HCFC1: variants seen among roughly 807,000 people sequenced by gnomAD.
HCFC1 encodes host cell factor C1.
A neutral mutation model predicts 105.5 loss-of-function variants in HCFC1; 7 were observed. That is an observed-to-expected ratio of 0.07 (90% CI 0.04 to 0.12). The LOEUF (loss-of-function observed/expected upper bound fraction) is 0.12, where lower values mean the gene tolerates loss of function less well. Among genes scored for constraint, HCFC1 ranks in the 10% least tolerant of loss-of-function variants. The pLI is 1.00. For missense variants in HCFC1, 1,065 were observed against 1,823.6 expected (o/e 0.58, Z 7.58); for synonymous variants, 918 against 828.1 (o/e 1.11, Z -1.86).
rs782287606 is a variant in HCFC1, at chrX:153,953,807, G to GC, written c.4334-38dup. The GC allele has an allele frequency of 7.8e-4, 903 of 1,153,904 alleles. 1 individual carries two copies. The highest frequency in any genetic ancestry group is 9.6e-4 in the Non-Finnish European group (834 of 864,556). On this transcript the variant is annotated intron_variant, in intron 17 of 25. Coordinates refer to ENST00000310441, the MANE Select transcript of HCFC1 (RefSeq NM_005334.3). The stretch of plus-strand genomic sequence containing the variant: ...ACAGGCAGGCGGCTGCTCAGCAGGA[G>GC]CCCCCCCGGCCTGTACTTGGCTTGA...
At chrX:153,951,766 C>T (rs919144658) in intron 20 of HCFC1, 59 bp from the exon 21 acceptor site, 7 of 1,172,848 alleles carry the variant, frequency 6.0e-6, no homozygotes, top group Non-Finnish European at 6.9e-6. Flanking sequence ...CCAAGTGAGA[C>T]CGAGCCTCCC....
chrX:153,951,790 C>T, intron 20 of HCFC1, 51 bp downstream of exon 20: 1 of 1,170,833 alleles, frequency 8.5e-7, no homozygotes, highest in Non-Finnish European at 1.1e-6. Flanking sequence ...CTGCCCTCAC[C>T]TCCCTGGGTG....
At chrX:153,961,479 G>A (rs2065429154) in intron 6 of HCFC1, 63 bp downstream of exon 6, 1 of 802,449 alleles carries the variant, frequency 1.2e-6, no homozygotes, top group South Asian at 2.2e-5. Context: ...ACAGCTCTTA[G>A]GCTGAGAAGG....
Position 153,952,150 on chromosome X carries a change from C to A in HCFC1, c.4951G>T (p.Glu1651Ter). 1 of 1,113,139 alleles carries A rather than the reference C, an allele frequency of 9.0e-7. No individual in the cohort carries two copies. The allele number at this position is 1,113,139 out of a possible 1,213,427, so 91.7% of individuals were successfully genotyped here. The change falls in exon 20 of 26, where the codon GAG becomes TAG. Residue 1651 changes from glutamate (E) to a stop codon, truncating the protein, a stop_gained. Transcript: ENST00000310441. LOFTEE classifies it high-confidence loss of function. ...GCTGCCTCGGAGGTGTCCATGGGCT[C>A]GCCGGTGCCTGCTCCAGGGTCGAGA... is the stretch of plus-strand genomic sequence containing the variant. ...AAQQAVMGTG[E>*]PMDTSEAAAT...
chrX:153,963,615 A>G (rs925013110), intron 3 of HCFC1, among the ~76,000 whole-genome samples, 182 bp from the exon 4 acceptor site: 7 of 112,114 alleles, frequency 6.2e-5, no homozygotes, highest in East Asian at 2.8e-4. Flanking sequence ...GATGAGTCCA[A>G]CTGGAACAGG....
In HCFC1 at chrX:153,954,660, C is replaced by T. The variant is rs1461681500; in HGVS notation, c.3739G>A (p.Val1247Met). Reference protein sequence around the residue: ...VSTAAMTRSSVGAGEPRMAPV... With the variant: ...VSTAAMTRSSMGAGEPRMAPV... ...GCCATGCGGGGCTCCCCAGCACCCA[C>T]GCTGGAACGGGTCATGGCAGCGGTG... Residue 1247 changes from valine to methionine, a missense_variant, in exon 17 of 26, where the codon GTG (valine) becomes ATG (methionine). Physicochemically the swap from Val to Met is conservative, Grantham distance 21 (BLOSUM62 1). Coordinates refer to ENST00000310441, the MANE Select transcript of HCFC1 (RefSeq NM_005334.3). 7.5e-6 allele frequency: 9 copies of T among 1,205,756 alleles called. No individual in the cohort carries two copies. The highest frequency in any genetic ancestry group is 1.8e-5 in the South Asian group (1 of 56,579).
chrX:153,955,864 C>T (rs782053797), intron 16 of HCFC1, among the ~76,000 whole-genome samples: 8 of 113,097 alleles, frequency 7.1e-5, no homozygotes, highest in African/African-American at 1.3e-4. Context: ...CAACAACAAA[C>T]GTTTCACCGT....
rs781874683 is a variant in HCFC1 at position 153,952,107 on chromosome X, G to A, written c.4994C>T (p.Ala1665Val). Residue 1665 changes from alanine (A) to valine (V), a missense_variant, in exon 20 of 26, where the codon GCG (alanine) becomes GTG (valine). Ala to Val is a moderately conservative substitution (Grantham distance 64). Transcript: ENST00000310441. The stretch of plus-strand genomic sequence containing the variant: ...CTCGGCCGACAGGTGCCCCAGCTCC[G>A]CCTGAGTCACGGTTGCTGCTGCCTC... ...TSEAAATVTQ[A>V]ELGHLSAEGQ... 12 of 1,147,511 alleles carry A rather than the reference G, an allele frequency of 1.0e-5. No homozygotes were observed. The highest frequency in any genetic ancestry group is 2.0e-5 in the South Asian group (1 of 48,807). The allele number at this position is 1,147,511 out of a possible 1,213,427, so 94.6% of individuals were successfully genotyped here. A position where few individuals can be genotyped will look rare whatever the true frequency, so the allele number is the denominator to read the frequency against.
At chrX:153,953,916 A>T in intron 17 of HCFC1, 146 bp from the exon 18 acceptor site, 1 of 884,363 alleles carries the variant, frequency 1.1e-6, no homozygotes, top group Non-Finnish European at 1.6e-6. Flanking sequence ...CTTCAGGTAC[A>T]GCCAGGACGC....
intron 12 of HCFC1, 124 bp from the exon 13 acceptor site, chrX:153,957,657 T>A: frequency 1.3e-6 from 1 of 756,068 alleles, no homozygotes; most frequent in Non-Finnish European, 2.0e-6. Context: ...GCGAGGGGAG[T>A]GAGCAGCAGA....
chrX:153,950,568 C>G (rs2065300986), intron 23 of HCFC1, 25 bp from the exon 24 acceptor site: 1 of 1,134,158 alleles, frequency 8.8e-7, no homozygotes, highest in African/African-American at 1.8e-5. Flanking sequence ...GTCAGAAGGT[C>G]AACAGAACAG....
rs12008736 is a variant in HCFC1, at chrX:153,961,489, G to C, written c.904+53C>G. On this transcript the variant is annotated intron_variant, in intron 6 of 25. Transcript: ENST00000310441. ...CCCACACAGCTCTTAGGCTGAGAAG[G>C]GCCAGCCTCCTGCAGCCTCCCACAG... is the stretch of plus-strand genomic sequence containing the variant. 1,470 of 885,944 alleles carry C rather than the reference G, an allele frequency of 1.7e-3. 19 individuals are homozygous for C. In the African/African-American group the frequency reaches 0.025, roughly 15 times the overall value. The allele number at this position is 885,944 out of a possible 1,213,427, so 73.0% of individuals were successfully genotyped here.
intron 16 of HCFC1, 52 bp from the exon 17 acceptor site, chrX:153,955,594 G>A (rs2065367456): frequency 9.0e-7 from 1 of 1,108,428 alleles, no homozygotes; most frequent in Non-Finnish European, 1.2e-6. Context: ...CTGTCTGCCT[G>A]TCCCTCCCAC....
chrX:153,958,483 G>A (rs2065399045), intron 10 of HCFC1, 86 bp downstream of exon 10: 3 of 916,479 alleles, frequency 3.3e-6, no homozygotes, highest in Non-Finnish European at 4.6e-6. Context: ...TTATTCTGCA[G>A]CCCACGGTCC....
chrX:153,964,662 G>A lies in HCFC1; in HGVS notation c.258C>T (p.Gly86=). ...GDIPPGCAAY[G]FVCDGTRLLV... The stretch of plus-strand genomic sequence containing the variant: ...GGAGGCGAGTCCCGTCACACACGAA[G>A]CCATAGGCTGCACACCCAGGGGGAA... The change falls in exon 2 of 26, where the codon GGC becomes GGT. Residue 86 remains glycine, a synonymous_variant. Coordinates refer to ENST00000310441, the MANE Select transcript of HCFC1 (RefSeq NM_005334.3). 8.3e-7 allele frequency: 1 copy of A among 1,202,410 alleles called. No individual in the cohort carries two copies. Among genetic ancestry groups the A allele is most frequent in the Non-Finnish European group, 1.1e-6 (1 of 890,616 alleles).
chrX:153,956,506 C>T, intron 15 of HCFC1, 95 bp from the exon 16 acceptor site: 1 of 1,112,839 alleles, frequency 9.0e-7, no homozygotes, highest in Non-Finnish European at 1.2e-6. Context: ...GAGCTGCTTG[C>T]ATAGAAGGCT....
At chrX:153,965,525 C>T (rs782529859) in intron 1 of HCFC1, among the ~76,000 whole-genome samples, 56 of 112,967 alleles carry the variant, frequency 5.0e-4, no homozygotes, top group Non-Finnish European at 9.8e-4. Context: ...AGGGCTTCCC[C>T]GAAAACCTCC....
In HCFC1 at chrX:153,951,524, C is replaced by T. The variant is rs199629763; in HGVS notation, c.5380-37G>A. On this transcript the variant is annotated intron_variant, in intron 21 of 25. Coordinates refer to ENST00000310441, the MANE Select transcript of HCFC1 (RefSeq NM_005334.3). ...AATCGGTGCGACGAGATCAGGCCCT[C>T]AGCACCTAGAGGCAGTGCTGCCCCC... 5.0e-4 allele frequency: 610 copies of T among 1,208,572 alleles called. 11 individuals are homozygous for T. In the Middle Eastern group the frequency reaches 0.034, roughly 66 times the overall value.
chrX:153,969,079 C>T (rs1569547051), intron 1 of HCFC1, among the ~76,000 whole-genome samples: 1 of 111,623 alleles, frequency 9.0e-6, no homozygotes, highest in Non-Finnish European at 1.9e-5. Context: ...TGGTAGGTGG[C>T]GATAATCTCC....
Sources: gnomAD v4.1 joint callset for allele counts (sites outside exome capture counted in the v4.1 genomes callset) on GRCh38, gnomAD v4.1.1 for gene constraint, MANE v1.5 for transcripts, NCBI Gene and HGNC (gene_info 2026-07-23, HGNC 2026-07-21) for gene names.